The following RNF103 variants were observed in gnomAD, a reference collection of about 807,000 sequenced individuals.
The protein encoded by RNF103 is ring finger protein 103.
Under a neutral mutation model 66.2 loss-of-function variants are expected in RNF103, and 23 were observed. The observed-to-expected ratio is 0.35, with a 90% CI of 0.25 to 0.49. RNF103 has a LOEUF of 0.49. RNF103 is among the 20% of genes least tolerant of loss of function. RNF103 has a pLI of 0.98. For synonymous variants in RNF103, 297 were observed against 289.9 expected, an observed-to-expected ratio of 1.02 and a Z score of -0.25; for missense variants, 730 against 814.7, an observed-to-expected ratio of 0.90 and a Z score of 1.27.
rs749291347 is a variant in RNF103 at position 86,620,460 on chromosome 2, A to G, written c.236T>C (p.Met79Thr). The G allele has an allele frequency of 6.3e-6, 10 of 1,579,732 alleles. No homozygotes were observed. The highest frequency in any genetic ancestry group is 8.6e-6 in the Non-Finnish European group (10 of 1,156,840). ...GAGAGCAGAATAGAGCTCACCCTCC[A>G]TCAAGTCACCTGAAGAAAGGAAAAG... is the stretch of plus-strand genomic sequence containing the variant. ...RELVEKSGDL[M>T]EGELYSALKE... The change falls in exon 2 of 4, where the codon ATG (methionine) becomes ACG (threonine). Residue 79 changes from methionine (M) to threonine (T), a missense_variant. By Grantham distance (81) the Met-to-Thr change is moderately conservative. Transcript: ENST00000237455.
In RNF103 at chr2:86,604,062, A is replaced by G; in HGVS notation, c.1839T>C (p.Ala613=). The change falls in exon 4 of 4, where the codon GCT becomes GCC. Residue 613 remains alanine, a synonymous_variant. Coordinates refer to ENST00000237455, the MANE Select transcript of RNF103 (RefSeq NM_005667.4). ...CACATTCAGTACAGTGCAGCATATCAGCAGGCCAAGTTAACCAATCAGGTT... is the reference window on the plus strand; with the variant it reads ...CACATTCAGTACAGTGCAGCATATCGGCAGGCCAAGTTAACCAATCAGGTT... ...DMEPDWLTWP[A]DMLHCTECVV... is the part of the protein sequence containing the mutation. 1 of 1,614,078 alleles carries G rather than the reference A, an allele frequency of 6.2e-7. No individual in the cohort carries two copies. The highest frequency in any genetic ancestry group is 8.5e-7 in the Non-Finnish European group (1 of 1,180,032).
chr2:86,613,171 A>T (rs737463), intron 2 of RNF103: 57,927 of 152,072 alleles, frequency 0.38, 13,007 homozygotes, highest in East Asian at 0.73. Context: ...GAAGCATGAG[A>T]ATCACTTGAA....
chr2:86,608,681 T>G (rs41374146), intron 3 of RNF103, among the ~76,000 whole-genome samples: 7,608 of 152,026 alleles, frequency 0.05, 340 homozygotes, highest in African/African-American at 0.12. Flanking sequence ...CCATAAGGCT[T>G]CCTGTTTACC....
At chr2:86,606,122 G>C (rs1234366318) in intron 3 of RNF103, among the ~76,000 whole-genome samples, 3 of 152,144 alleles carry the variant, frequency 2.0e-5, no homozygotes, top group Non-Finnish European at 4.4e-5. Context: ...TCATGAAGGG[G>C]AGTATTTAAC....
intron 2 of RNF103, chr2:86,617,587 G>A (rs188057935): frequency 2.2e-6 from 2 of 890,784 alleles, no homozygotes; most frequent in Admixed American, 6.2e-5. Context: ...GCATCCACTG[G>A]GGGTCTTGGA....
intron 2 of RNF103, chr2:86,613,929 G>T (rs1490944216): frequency 1.3e-5 from 2 of 152,052 alleles, no homozygotes; most frequent in Non-Finnish European, 2.9e-5. Context: ...AAATGGTTTT[G>T]ATATTACATT....
In RNF103 at chr2:86,604,192, T is replaced by G. The variant is rs1678453362; in HGVS notation, c.1709A>C (p.His570Pro). ...VLHNSPGTAS[H>P]CDAEACSCAN... Reference sequence around the variant, plus strand: ...ACATGAACAAGCCTCAGCATCACAGTGACTTGCTGTTCCTGGAGAATTGTG... The same window carrying G: ...ACATGAACAAGCCTCAGCATCACAGGGACTTGCTGTTCCTGGAGAATTGTG... Residue 570 changes from histidine (H) to proline (P), a missense_variant, in exon 4 of 4, where the codon CAC becomes CCC. By Grantham distance (77) the His-to-Pro change is moderately conservative. Transcript: ENST00000237455. 6.2e-7 allele frequency: 1 copy of G among 1,613,984 alleles called. No individual in the cohort carries two copies.
chr2:86,619,100 T>C (rs1679127964), intron 2 of RNF103, among the ~76,000 whole-genome samples: 1 of 152,212 alleles, frequency 6.6e-6, no homozygotes, highest in Admixed American at 6.5e-5. Flanking sequence ...CACAGTGGAC[T>C]ACAGTACCAT....
chr2:86,616,052 T>C (rs1205055690), intron 2 of RNF103, among the ~76,000 whole-genome samples: 1 of 152,224 alleles, frequency 6.6e-6, no homozygotes, highest in Non-Finnish European at 1.5e-5. Context: ...TGTACCAAGA[T>C]GTTTTCTGGA....
At position 86,603,827 on chromosome 2, in the gene RNF103, G is replaced by T. The variant is rs766608264; in HGVS notation, c.*16C>A. On this transcript the variant is annotated 3_prime_UTR_variant, in exon 4 of 4. Transcript: ENST00000237455. The stretch of plus-strand genomic sequence containing the variant: ...TGTAAGATACTCAAAGCTTATAAAG[G>T]ACAAATTGCACATGGTTAAGATGGG... 6.3e-7 allele frequency: 1 copy of T among 1,591,264 alleles called. No homozygotes were observed. Among genetic ancestry groups the T allele is most frequent in the East Asian group, 2.2e-5 (1 of 44,756 alleles).
In RNF103 at chr2:86,612,187, C is replaced by T; in HGVS notation, c.454G>A (p.Gly152Ser). ...GGATCACTGGAACAGTTAAATGTGCCTGTACGTATTCCAAATCTTGACACC... is the reference window on the plus strand; with the variant it reads ...GGATCACTGGAACAGTTAAATGTGCTTGTACGTATTCCAAATCTTGACACC... ...KKVSRFGIRT[G>S]TFNCSSDPRY... is the part of the protein sequence containing the mutation. Residue 152 changes from glycine to serine, a missense_variant, in exon 3 of 4, where the codon GGC (glycine) becomes AGC (serine). By Grantham distance (56) the Gly-to-Ser change is moderately conservative. Around this residue, in one of 3 missense-constraint regions of RNF103, gnomAD observed 327 missense variants for 369.8 expected, o/e 0.88. Coordinates refer to ENST00000237455, the MANE Select transcript of RNF103 (RefSeq NM_005667.4). 6.2e-7 allele frequency: 1 copy of T among 1,613,520 alleles called. No homozygotes were observed. The highest frequency in any genetic ancestry group is 8.5e-7 in the Non-Finnish European group (1 of 1,179,726).
intron 1 of RNF103, 39 bp from the exon 2 acceptor site, chr2:86,620,508 G>T: frequency 1.3e-6 from 2 of 1,493,574 alleles, no homozygotes; most frequent in African/African-American, 1.4e-5. Context: ...AAGGTTGCAA[G>T]AATCCTAGAT....
intron 2 of RNF103, chr2:86,618,077 A>G: frequency 2.3e-6 from 1 of 438,196 alleles, no homozygotes; most frequent in South Asian, 1.6e-5. Context: ...ACAGAAATAC[A>G]TTCTATTTTT....
chr2:86,604,472 G>C lies in RNF103; in HGVS notation c.1429C>G (p.Pro477Ala), dbSNP rs191032796. The change falls in exon 4 of 4, where the codon CCT becomes GCT. Residue 477 changes from proline (P) to alanine (A), a missense_variant. By Grantham distance (27) the Pro-to-Ala change is conservative. Transcript: ENST00000237455. ...FHPIASFQNF[P>A]VESDWDEDPD... ...TCTTCGTCCCAATCAGATTCTACAG[G>C]AAAGTTCTGAAAAGAAGCAATCGGG... 2.2e-4 allele frequency: 361 copies of C among 1,614,220 alleles called. No homozygotes were observed. The highest frequency in any genetic ancestry group is 6.8e-4 in the Admixed American group (41 of 60,024).
At chr2:86,614,988 T>C (rs1378509771) in intron 2 of RNF103, 19 of 985,340 alleles carry the variant, frequency 1.9e-5, no homozygotes, top group Non-Finnish European at 2.0e-5. Flanking sequence ...TTCCTAAGTC[T>C]GGAGGCATCT....
intron 3 of RNF103, among the ~76,000 whole-genome samples, chr2:86,607,569 G>A (rs1678622505): frequency 6.6e-6 from 1 of 152,070 alleles, no homozygotes; most frequent in African/African-American, 2.4e-5. Context: ...TAACTGAAAT[G>A]GTCTGAAAAG....
At chr2:86,605,485 A>C in intron 3 of RNF103, 67 bp from the exon 4 acceptor site, 2 of 1,494,580 alleles carry the variant, frequency 1.3e-6, no homozygotes, top group South Asian at 2.8e-5. Flanking sequence ...TCCCTGACAA[A>C]TTTCTTTAGC....
chr2:86,623,837 G>T lies in RNF103; in HGVS notation c.-951C>A, dbSNP rs1224383282. 7.8e-7 allele frequency: 1 copy of T among 1,287,898 alleles called. No homozygotes were observed. Among genetic ancestry groups the T allele is most frequent in the Non-Finnish European group, 1.0e-6 (1 of 988,362 alleles). The allele number at this position is 1,287,898 out of a possible 1,614,324, so 79.8% of individuals were successfully genotyped here. On this transcript the variant is annotated 5_prime_UTR_variant, in exon 1 of 4. Transcript: ENST00000237455. Reference sequence around the variant, plus strand: ...GTACCCTCCACAACCGTGTATCAGCGGCGGCCGCGGCCGGAGCCGAGACAT... The same window carrying T: ...GTACCCTCCACAACCGTGTATCAGCTGCGGCCGCGGCCGGAGCCGAGACAT...
At chr2:86,616,892 A>G (rs1385471035) in intron 2 of RNF103, 2 of 985,458 alleles carry the variant, frequency 2.0e-6, no homozygotes, top group Non-Finnish European at 2.4e-6. Context: ...AAGCCTATCC[A>G]CTGTGCCATC....
Sources: allele counts gnomAD v4.1 joint callset (sites outside exome capture counted in the v4.1 genomes callset), GRCh38; gene constraint gnomAD v4.1.1; regional missense constraint gnomAD v4.1.1; transcripts MANE v1.5; gene names NCBI Gene and HGNC (gene_info 2026-07-23, HGNC 2026-07-21).